The following HDAC7 variants were observed in gnomAD, a reference collection of about 807,000 sequenced individuals.
HDAC7 encodes the protein histone deacetylase 7.
HDAC7 carries 26 observed loss-of-function variants against 115.5 expected under a neutral mutation model. The ratio of observed to expected loss-of-function variants is 0.23; its 90% CI spans 0.16 to 0.31. The LOEUF is 0.31. Among genes scored for constraint, HDAC7 ranks in the 10% least tolerant of loss-of-function variants. The pLI is 1.00. For missense variants in HDAC7, 1,068 were observed against 1,329.0 expected (o/e 0.80, Z 3.05); for synonymous variants, 564 against 550.9 (o/e 1.02, Z -0.33).
Position 47,802,285 on chromosome 12 carries a change from A to T in HDAC7, c.20-11T>A, listed in dbSNP as rs1456224850. The T allele has an allele frequency of 6.2e-7, 1 of 1,613,502 alleles. No individual in the cohort carries two copies. Among genetic ancestry groups the T allele is most frequent in the African/African-American group, 1.3e-5 (1 of 74,866 alleles). On this transcript the variant is annotated splice_polypyrimidine_tract_variant and intron_variant, in intron 1 of 25. Coordinates refer to ENST00000080059, the MANE Select transcript of HDAC7 (RefSeq NM_015401.5). Reference sequence around the variant, plus strand: ...TCACCTGGGTCCCATCTGTAGAGAGAGAGACGGAGTGAAAGAGCTGCAGGG... The same window carrying T: ...TCACCTGGGTCCCATCTGTAGAGAGTGAGACGGAGTGAAAGAGCTGCAGGG...
rs1943796348 is a variant in HDAC7 at position 47,795,835 on chromosome 12, G to A, written c.907-68C>T. 3 of 1,517,346 alleles carry A rather than the reference G, an allele frequency of 2.0e-6. No individual in the cohort carries two copies. Among genetic ancestry groups the A allele is most frequent in the Non-Finnish European group, 2.7e-6 (3 of 1,124,722 alleles). The allele number at this position is 1,517,346 out of a possible 1,614,324, so 94.0% of individuals were successfully genotyped here. On this transcript the variant is annotated intron_variant, in intron 9 of 25. Transcript: ENST00000080059. This position sits in a 1 kb window ranked among gnomAD's most constrained non-coding sequence, Gnocchi z 4.3. ...CAGAGAACAATGAAGATGATGGGGT[G>A]AGGCAGCAAGAAAAGGGAGTGAAAG...
At chr12:47,784,497 A>G (rs955704891) in intron 24 of HDAC7, 4 of 603,090 alleles carry the variant, frequency 6.6e-6, no homozygotes, top group Non-Finnish European at 8.7e-6. Context: ...GCCACCTTTG[A>G]CTCATTCCCC....
intron 17 of HDAC7, 38 bp from the exon 18 acceptor site, chr12:47,789,616 C>T (rs1381521377): frequency 1.2e-6 from 2 of 1,608,804 alleles, no homozygotes; most frequent in South Asian, 1.1e-5. Context: ...CAACAGACAG[C>T]TCTGACCCAC....
intron 24 of HDAC7, 87 bp from the exon 25 acceptor site, chr12:47,784,304 C>CA: frequency 1.4e-6 from 2 of 1,416,892 alleles, no homozygotes. Flanking sequence ...GTTGGTGTCT[C>CA]AGGCCCAGGG....
Position 47,791,888 on chromosome 12 carries a change from GC to G in HDAC7, c.1794del (p.Leu599SerfsTer55). The stretch of plus-strand genomic sequence containing the variant: ...CTCCTCACCTCACACTGGCTCCGGA[GC>G]CCCCGCTCCTGCAGCCGGGACCAGA... ...QSIWSRLQER[G>X]LRSQCECLRG... On this transcript the variant is annotated frameshift_variant, in exon 14 of 26. Coordinates refer to ENST00000080059, the MANE Select transcript of HDAC7 (RefSeq NM_015401.5). LOFTEE classifies it high-confidence loss of function. 1 of 1,608,680 alleles carries G rather than the reference GC, an allele frequency of 6.2e-7. No homozygotes were observed.
chr12:47,802,557 C>A (rs190129215), intron 1 of HDAC7: 2 of 1,351,814 alleles, frequency 1.5e-6, no homozygotes, highest in South Asian at 1.3e-5. Flanking sequence ...GGCCTCAGCT[C>A]ACCCAGCAGT....
rs760925269 is a variant in HDAC7, at chr12:47,797,566, G to C, written c.462-67C>G. 1 of 1,225,348 alleles carries C rather than the reference G, an allele frequency of 8.2e-7. No individual in the cohort carries two copies. Among genetic ancestry groups the C allele is most frequent in the African/African-American group, 1.5e-5 (1 of 66,244 alleles). The allele number at this position is 1,225,348 out of a possible 1,614,324, so 75.9% of individuals were successfully genotyped here. The stretch of plus-strand genomic sequence containing the variant: ...ACTGCACGGGCACTGCCCTGAGCAC[G>C]GGCCCTGGGACCTGAGGGGGAGGCT... On this transcript the variant is annotated intron_variant, in intron 5 of 25. Transcript: ENST00000080059. This position sits in a 1 kb window ranked among gnomAD's most constrained non-coding sequence, Gnocchi z 5.5.
chr12:47,791,030 A>G, intron 16 of HDAC7: 1 of 576,834 alleles, frequency 1.7e-6, no homozygotes, highest in African/African-American at 1.9e-5. Flanking sequence ...GACACCTTCT[A>G]GGGGAAGGCT....
At chr12:47,809,486 CAT>C (rs1163662882) in intron 1 of HDAC7, among the ~76,000 whole-genome samples, 8 of 152,112 alleles carry the variant, frequency 5.3e-5, no homozygotes, top group African/African-American at 1.2e-4. Context: ...GATCAACAAT[CAT>C]GTGTTAATGC....
intron 1 of HDAC7, chr12:47,818,013 C>T (rs1305078219): frequency 1.3e-5 from 2 of 152,294 alleles, no homozygotes; most frequent in African/African-American, 2.4e-5. Flanking sequence ...CCTTCATTCT[C>T]CTCTCCATAG....
In HDAC7 at chr12:47,802,232, G is replaced by A; in HGVS notation, c.62C>T (p.Thr21Ile). 1 of 1,613,872 alleles carries A rather than the reference G, an allele frequency of 6.2e-7. No homozygotes were observed. Among genetic ancestry groups the A allele is most frequent in the South Asian group, 1.1e-5 (1 of 91,020 alleles). ...CCGGGTTTGACTCTTACCTGCGCCA[G>A]TGGGGCTGCAGTAGTGGGCACCCGG... ...VSPGAHYCSP[T>I]GAGCPRPCAD... Residue 21 changes from threonine to isoleucine, a missense_variant, in exon 2 of 26, where the codon ACT becomes ATT. By Grantham distance (89) the Thr-to-Ile change is moderately conservative. Transcript: ENST00000080059.
At chr12:47,784,470 T>C in intron 24 of HDAC7, 1 of 601,132 alleles carries the variant, frequency 1.7e-6, no homozygotes, top group Non-Finnish European at 2.9e-6. Context: ...CTTTCTCTCA[T>C]CCCCTGTGGC....
chr12:47,789,996 C>A, intron 16 of HDAC7, 76 bp from the exon 17 acceptor site: 2 of 1,137,242 alleles, frequency 1.8e-6, no homozygotes, highest in Non-Finnish European at 2.6e-6. Context: ...GTGGTCCCCA[C>A]CCCACGGCCA....
At chr12:47,784,592 A>G in intron 24 of HDAC7, 1 of 867,490 alleles carries the variant, frequency 1.2e-6, no homozygotes, top group Non-Finnish European at 1.7e-6. Context: ...CAGAGCCCCA[A>G]GCTCGGGCCT....
chr12:47,806,460 G>A (rs1037415916), intron 1 of HDAC7, among the ~76,000 whole-genome samples: 4 of 152,188 alleles, frequency 2.6e-5, no homozygotes, highest in Non-Finnish European at 5.9e-5. Flanking sequence ...TGGCCAAGGC[G>A]GGCAGATTAC....
chr12:47,784,821 T>C (rs11168236), intron 24 of HDAC7: 229,518 of 1,518,938 alleles, frequency 0.15, 19,120 homozygotes, highest in African/African-American at 0.34. Flanking sequence ...GAATCAGCCA[T>C]GTCTTTACCA....
At chr12:47,796,331 G>A (rs1943839806) in intron 7 of HDAC7, 33 bp from the exon 8 acceptor site, 3 of 1,548,552 alleles carry the variant, frequency 1.9e-6, no homozygotes, top group Admixed American at 2.1e-5. Flanking sequence ...AGTGCAGTCA[G>A]AGGCCAGGGT....
chr12:47,813,060 C>A (rs937760927), intron 1 of HDAC7: 1 of 152,372 alleles, frequency 6.6e-6, no homozygotes, highest in African/African-American at 2.4e-5. Context: ...GGAAGCACAG[C>A]CCTGCGCTGC....
intron 1 of HDAC7, among the ~76,000 whole-genome samples, chr12:47,810,890 G>A (rs1454556032): frequency 6.6e-6 from 1 of 151,710 alleles, no homozygotes; most frequent in African/African-American, 2.4e-5. Context: ...CCTTGGGCAG[G>A]TGGAAGCGCT....
Sources: gnomAD v4.1 joint callset for allele counts (sites outside exome capture counted in the v4.1 genomes callset) on GRCh38, gnomAD v4.1.1 for gene constraint, Gnocchi (gnomAD v3.1) non-coding constraint, MANE v1.5 for transcripts, NCBI Gene and HGNC (gene_info 2026-07-23, HGNC 2026-07-21) for gene names.